The following PCDH15 variants were observed in gnomAD, a reference collection of about 807,000 sequenced individuals.
The protein encoded by PCDH15 is protocadherin related 15.
A neutral mutation model predicts 178.5 loss-of-function variants in PCDH15; 129 were observed. The observed-to-expected ratio is 0.72, with a 90% CI of 0.63 to 0.84. The LOEUF (loss-of-function observed/expected upper bound fraction) is 0.84, where lower values mean the gene tolerates loss of function less well. Among genes scored for constraint, PCDH15 ranks in the 40% least tolerant of loss-of-function variants. The pLI is 0.00. For synonymous variants in PCDH15, 800 were observed against 732.0 expected (o/e 1.09, Z -1.50); for missense variants, 2,230 against 2,099.9 (o/e 1.06, Z -1.21).
At chr10:54,713,512 T>G (rs1009686727) in intron 1 of PCDH15, among the ~76,000 whole-genome samples, 1 of 152,082 alleles carries the variant, frequency 6.6e-6, no homozygotes, top group Non-Finnish European at 1.5e-5. Flanking sequence ...GTTTAAGAAG[T>G]AACAGTTTAA....
intron 20 of PCDH15, among the ~76,000 whole-genome samples, chr10:54,004,812 G>A (rs774408146): frequency 1.3e-5 from 2 of 151,322 alleles, no homozygotes; most frequent in Non-Finnish European, 2.9e-5. Flanking sequence ...ATTCTAAACT[G>A]TGTATGGAAG....
chr10:55,257,060 G>C (rs1429705457), intron 1 of PCDH15, among the ~76,000 whole-genome samples: 1 of 152,152 alleles, frequency 6.6e-6, no homozygotes, highest in Non-Finnish European at 1.5e-5. Flanking sequence ...AACATTTGCT[G>C]TTCACCAATA....
At chr10:54,843,561 C>A (rs765447004) in intron 3 of PCDH15, among the ~76,000 whole-genome samples, 29 of 151,778 alleles carry the variant, frequency 1.9e-4, no homozygotes, top group Non-Finnish European at 3.1e-4. Context: ...TTTTGCTTGT[C>A]GACTTTATAT....
chr10:55,257,699 G>A (rs1199344470), intron 1 of PCDH15, among the ~76,000 whole-genome samples: 1 of 152,148 alleles, frequency 6.6e-6, no homozygotes, highest in Non-Finnish European at 1.5e-5. Flanking sequence ...AACGAACAAA[G>A]CCTCCAAGAA....
chr10:55,187,985 G>A (rs1306426735), intron 1 of PCDH15, among the ~76,000 whole-genome samples: 1 of 151,928 alleles, frequency 6.6e-6, no homozygotes, highest in East Asian at 1.9e-4. Flanking sequence ...AGGACGCTAT[G>A]GCAATGGTCC....
At chr10:53,811,226 T>A (rs1256721976) in intron 36 of PCDH15, among the ~76,000 whole-genome samples, 2 of 152,184 alleles carry the variant, frequency 1.3e-5, no homozygotes, top group Non-Finnish European at 2.9e-5. Context: ...AACATTAACA[T>A]CTTATATGAA....
At chr10:55,625,725 G>C (rs1200884505) in intron 2 of PCDH15, among the ~76,000 whole-genome samples, 1 of 152,172 alleles carries the variant, frequency 6.6e-6, no homozygotes, top group East Asian at 1.9e-4. Flanking sequence ...TGCTCATGCA[G>C]ATTTAAGATA....
chr10:55,131,789 G>A (rs1296587361), intron 2 of PCDH15, among the ~76,000 whole-genome samples: 3 of 152,030 alleles, frequency 2.0e-5, no homozygotes, highest in Non-Finnish European at 4.4e-5. Context: ...GGGCTTCAAA[G>A]GGGAGAAAGT....
intron 2 of PCDH15, among the ~76,000 whole-genome samples, chr10:54,951,278 G>A (rs1838331151): frequency 6.6e-6 from 1 of 151,836 alleles, no homozygotes; most frequent in African/African-American, 2.4e-5. Flanking sequence ...AGTCTCCATA[G>A]CTTCATCTTT....
At chr10:54,793,890 TAAATA>T (rs1057045415) in intron 1 of PCDH15, among the ~76,000 whole-genome samples, 49 of 147,764 alleles carry the variant, frequency 3.3e-4, no homozygotes, top group African/African-American at 1.2e-3. Context: ...AATATGTGAA[TAAATA>T]AAATAAGAAA....
intron 1 of PCDH15, among the ~76,000 whole-genome samples, chr10:55,311,074 CA>C (rs1166836474): frequency 6.6e-6 from 1 of 152,016 alleles, no homozygotes; most frequent in Non-Finnish European, 1.5e-5. Context: ...TATAACATTG[CA>C]AAAGTATTAT....
chr10:55,455,893 C>T (rs1839540109), intron 2 of PCDH15, among the ~76,000 whole-genome samples: 1 of 152,058 alleles, frequency 6.6e-6, no homozygotes, highest in South Asian at 2.1e-4. Context: ...ATTAAGTAAG[C>T]AGGAAGCCAT....
In PCDH15 at chr10:54,289,487, C is replaced by G. The variant is rs371193913; in HGVS notation, c.876+27784G>C. Among the ~76,000 whole-genome samples, 8 of 152,304 alleles carry G rather than the reference C, an allele frequency of 5.3e-5. No individual in the cohort carries two copies. The East Asian group carries it at 1.5e-3, about 29-fold the overall frequency. ...AATTCTAAAAACCAGAGTGCCTCTT[C>G]TCCTCCAAAGGAATGCAGCTCCTCA... On this transcript the variant is annotated intron_variant, in intron 8 of 37. Transcript: ENST00000644397.
chr10:55,298,365 C>G (rs968445173), intron 1 of PCDH15, among the ~76,000 whole-genome samples: 1 of 152,142 alleles, frequency 6.6e-6, no homozygotes, highest in Non-Finnish European at 1.5e-5. Flanking sequence ...CAGGAATATT[C>G]CTTGAAAGAA....
intron 2 of PCDH15, among the ~76,000 whole-genome samples, chr10:54,547,013 A>G (rs1296315939): frequency 1.3e-5 from 2 of 152,178 alleles, no homozygotes; most frequent in African/African-American, 4.8e-5. Context: ...GGAGCTTCAT[A>G]TTCAGATCAA....
intron 21 of PCDH15, among the ~76,000 whole-genome samples, chr10:53,965,935 T>C (rs982154905): frequency 2.0e-5 from 3 of 152,144 alleles, no homozygotes; most frequent in African/African-American, 7.2e-5. Context: ...GCTGGTATTA[T>C]GGAATGTTAT....
chr10:55,598,138 C>A (rs1047672904), intron 2 of PCDH15, among the ~76,000 whole-genome samples: 3 of 152,040 alleles, frequency 2.0e-5, no homozygotes, highest in African/African-American at 7.2e-5. Context: ...GTGCCAGCCA[C>A]CGCGGCCATA....
At chr10:54,882,466 AAC>A (rs1954281359) in intron 3 of PCDH15, among the ~76,000 whole-genome samples, 1 of 151,974 alleles carries the variant, frequency 6.6e-6, no homozygotes, top group Non-Finnish European at 1.5e-5. Context: ...ACAGATGCAA[AAC>A]CTAATTATAT....
intron 8 of PCDH15, among the ~76,000 whole-genome samples, chr10:54,295,580 A>T (rs1389709709): frequency 6.6e-6 from 1 of 152,222 alleles, no homozygotes; most frequent in East Asian, 1.9e-4. Flanking sequence ...ACTGGAAAGA[A>T]GAAACTCTGG....
Sources: gnomAD v4.1 joint callset for allele counts (sites outside exome capture counted in the v4.1 genomes callset) on GRCh38, gnomAD v4.1.1 for gene constraint, MANE v1.5 for transcripts, NCBI Gene and HGNC (gene_info 2026-07-23, HGNC 2026-07-21) for gene names.